Variants in PSMG4 observed in about 807,000 individuals in gnomAD.
PSMG4 encodes proteasome (prosome, macropain) assembly chaperone 4.
In PSMG4, 10 loss-of-function variants were observed where a neutral mutation model predicts 11.0. The observed-to-expected ratio is 0.91, with a 90% CI of 0.56 to 1.54. The LOEUF is 1.54. Among genes scored for constraint, PSMG4 ranks in the 40% most tolerant of loss-of-function variants. The pLI is 0.00. For missense variants in PSMG4, 198 were observed against 160.9 expected, an observed-to-expected ratio of 1.23 and a Z score of -1.25; for synonymous variants, 95 against 71.3, an observed-to-expected ratio of 1.33 and a Z score of -1.68.
chr6:3,260,286 TA>T lies in PSMG4; in HGVS notation c.174+1091del, dbSNP rs1561840913. ...AACCTTGTCTTAAATTGTATATATATATATATTTTTTTTTTTTTTTTTTGAA... is the reference window on the plus strand; with the variant it reads ...AACCTTGTCTTAAATTGTATATATATTATATTTTTTTTTTTTTTTTTTGAA... On this transcript the variant is annotated intron_variant, in intron 1 of 2. Coordinates refer to ENST00000438998, the MANE Select transcript of PSMG4 (RefSeq NM_001128591.2). Among the ~76,000 whole-genome samples, 328 of 80,144 alleles carry T rather than the reference TA, an allele frequency of 4.1e-3. 16 individuals carry two copies. Among genetic ancestry groups the T allele is most frequent in the African/African-American group, 0.014 (283 of 20,030 alleles). 52.6% of individuals were successfully genotyped at this position (80,144 alleles called of 152,430 possible).
At position 3,267,872 on chromosome 6, in the gene PSMG4, C is replaced by CCTG; in HGVS notation, c.*160_*161insCTG. On this transcript the variant is annotated 3_prime_UTR_variant, in exon 3 of 3. Transcript: ENST00000438998. ...CAGTGTGTGGGCCAAAAGGCTCATA[C>CCTG]TGACCCACCTGGTGAAGGAGAGGCA... The CCTG allele has an allele frequency of 3.0e-6, 2 of 660,966 alleles. No homozygotes were observed. Among genetic ancestry groups the CCTG allele is most frequent in the Non-Finnish European group, 2.5e-6 (1 of 403,766 alleles). 40.9% of individuals were successfully genotyped at this position (660,966 alleles called of 1,614,324 possible). A position where few individuals can be genotyped will look rare whatever the true frequency, so the allele number is the denominator to read the frequency against.
intron 1 of PSMG4, among the ~76,000 whole-genome samples, chr6:3,262,508 C>T (rs1758027273): frequency 6.6e-6 from 1 of 152,122 alleles, no homozygotes; most frequent in Middle Eastern, 3.2e-3. Flanking sequence ...GTTTTTTGAT[C>T]TCCTGCCTTT....
intron 2 of PSMG4, chr6:3,265,819 C>T (rs1465735429): frequency 6.6e-6 from 1 of 152,218 alleles, no homozygotes; most frequent in East Asian, 1.9e-4. Flanking sequence ...CACACTGCAC[C>T]CAGCACACTG....
intron 2 of PSMG4, chr6:3,266,083 C>G (rs145660442): frequency 6.6e-6 from 1 of 152,306 alleles, no homozygotes; most frequent in African/African-American, 2.4e-5. Context: ...TACCCAAGAC[C>G]TTTCCAGCCC....
At chr6:3,257,376 T>TA (rs1561838432), upstream of PSMG4, among the ~76,000 whole-genome samples, 2 of 152,324 alleles carry the variant, frequency 1.3e-5, no homozygotes, top group Non-Finnish European at 2.9e-5. Context: ...GAGACATGTA[T>TA]AACCAGTGAA....
chr6:3,264,241 T>C (rs1758101188), intron 2 of PSMG4: 1 of 1,551,372 alleles, frequency 6.4e-7, no homozygotes, highest in East Asian at 2.4e-5. Flanking sequence ...GGCCTGTGAG[T>C]GTGGCGTAGA....
chr6:3,256,546 T>C (rs79782951), upstream of PSMG4, among the ~76,000 whole-genome samples: 1,759 of 152,324 alleles, frequency 0.012, 34 homozygotes, highest in African/African-American at 0.04. Context: ...CGGCACATGG[T>C]GGTGCCGGGG....
upstream of PSMG4, among the ~76,000 whole-genome samples, chr6:3,255,657 G>A (rs143320785): frequency 3.5e-3 from 533 of 152,318 alleles, 2 homozygotes; most frequent in Middle Eastern, 0.014. Context: ...AAACGAGTCC[G>A]AGAGCCTTAA....
At chr6:3,255,208 A>G (rs144269783), upstream of PSMG4, 449 of 1,550,240 alleles carry the variant, frequency 2.9e-4, 2 homozygotes, top group African/African-American at 5.0e-3. Flanking sequence ...GTTTGGTGGC[A>G]GCAGGAGCAA....
chr6:3,254,904 T>C (rs1005264738), upstream of PSMG4: 18 of 857,310 alleles, frequency 2.1e-5, no homozygotes, highest in Middle Eastern at 3.0e-4. Flanking sequence ...AAGTGAATGA[T>C]CTCTGAGCTG....
At chr6:3,259,270 C>T (rs1757876705) in intron 1 of PSMG4, 74 bp downstream of exon 1, 13 of 1,181,600 alleles carry the variant, frequency 1.1e-5, no homozygotes, top group Admixed American at 4.3e-5. Flanking sequence ...CGAGCTGCAG[C>T]CCCCCAGGCT....
At chr6:3,256,432 C>T (rs1002794880), upstream of PSMG4, among the ~76,000 whole-genome samples, 2 of 152,204 alleles carry the variant, frequency 1.3e-5, no homozygotes, top group African/African-American at 2.4e-5. Flanking sequence ...TCAGTTTCCC[C>T]AGATCTCAAT....
intron 2 of PSMG4, chr6:3,264,132 G>C: frequency 6.5e-7 from 1 of 1,535,890 alleles, no homozygotes; most frequent in Non-Finnish European, 8.8e-7. Flanking sequence ...GGCCTTAGGA[G>C]GAGTCAGTGC....
At chr6:3,267,488 C>A in intron 2 of PSMG4, 103 bp from the exon 3 acceptor site, 1 of 1,366,472 alleles carries the variant, frequency 7.3e-7, no homozygotes. Flanking sequence ...CTCCCTACAA[C>A]CCCATCCTCT....
At chr6:3,265,559 G>A (rs992170862) in intron 2 of PSMG4, 1 of 152,220 alleles carries the variant, frequency 6.6e-6, no homozygotes, top group African/African-American at 2.4e-5. Flanking sequence ...TTAGGGTAAA[G>A]GGGGATGTTC....
In PSMG4 at chr6:3,258,994, G is replaced by T; in HGVS notation, c.-29G>T. On this transcript the variant is annotated 5_prime_UTR_variant, in exon 1 of 3. Coordinates refer to ENST00000438998, the MANE Select transcript of PSMG4 (RefSeq NM_001128591.2). ...TGGCAGCGGCGAGGACCCGGGTCTG[G>T]CGCTGTGGGCCGGGAGCCGTGGGGC... is the stretch of plus-strand genomic sequence containing the variant. 3 of 1,240,172 alleles carry T rather than the reference G, an allele frequency of 2.4e-6. No individual in the cohort carries two copies. The highest frequency in any genetic ancestry group is 2.0e-6 in the Non-Finnish European group (2 of 991,530). 76.8% of individuals were successfully genotyped at this position (1,240,172 alleles called of 1,614,324 possible).
chr6:3,263,789 C>G, intron 2 of PSMG4, 30 bp downstream of exon 2: 1 of 1,544,086 alleles, frequency 6.5e-7, no homozygotes. Flanking sequence ...GCTGCATGGC[C>G]AGCCAGGTGG....
At chr6:3,254,877 G>C (rs529421926), upstream of PSMG4, among the ~76,000 whole-genome samples, 2 of 151,926 alleles carry the variant, frequency 1.3e-5, no homozygotes, top group Non-Finnish European at 2.9e-5. Flanking sequence ...GATGCTGGAG[G>C]GTGACTCCGA....
chr6:3,262,624 C>T (rs531745692), intron 1 of PSMG4, among the ~76,000 whole-genome samples: 1 of 152,104 alleles, frequency 6.6e-6, no homozygotes, highest in African/African-American at 2.4e-5. Flanking sequence ...GTTCAGTTAA[C>T]TTGTCCCCAC....
Sources: allele counts gnomAD v4.1 joint callset (sites outside exome capture counted in the v4.1 genomes callset), GRCh38; gene constraint gnomAD v4.1.1; transcripts MANE v1.5; gene names NCBI Gene and HGNC (gene_info 2026-07-23, HGNC 2026-07-21).